The following SLCO1B1 variants were observed in gnomAD, a reference collection of about 807,000 sequenced individuals.
SLCO1B1 encodes solute carrier organic anion transporter family member 1B1.
Under a neutral mutation model 70.1 loss-of-function variants are expected in SLCO1B1, and 81 were observed. That is an observed-to-expected ratio of 1.16 (90% confidence interval 0.97 to 1.39). The LOEUF (loss-of-function observed/expected upper bound fraction) is 1.39. Among genes scored for constraint, SLCO1B1 ranks in the 40% most tolerant of loss-of-function variants. SLCO1B1 has a pLI of 0.00. For synonymous variants in SLCO1B1, 283 were observed against 271.5 expected (o/e 1.04, Z -0.42); for missense variants, 895 against 799.6 (o/e 1.12, Z -1.44).
At chr12:21,163,114 A>G (rs942780127) in intron 2 of SLCO1B1, among the ~76,000 whole-genome samples, 1 of 152,200 alleles carries the variant, frequency 6.6e-6, no homozygotes, top group Admixed American at 6.5e-5. Context: ...GTATATACAC[A>G]ATACCTGTCC....
Position 21,200,659 on chromosome 12 carries a change from T to C in SLCO1B1, c.1122T>C (p.Ala374=). The C allele has an allele frequency of 1.2e-6, 2 of 1,612,058 alleles. No individual in the cohort carries two copies. Among genetic ancestry groups the C allele is most frequent in the Non-Finnish European group, 1.7e-6 (2 of 1,178,854 alleles). Residue 374 remains alanine (A), a synonymous_variant, in exon 9 of 15, where the codon GCT becomes GCC. Coordinates refer to ENST00000256958, the MANE Select transcript of SLCO1B1 (RefSeq NM_006446.5). ...EQQYGQPSSK[A]NILLGVITIP... The stretch of plus-strand genomic sequence containing the variant: ...AGTATGGTCAGCCTTCATCTAAGGC[T>C]AACATCTTATTGGGTAAGACATATT...
At chr12:21,148,708 T>C (rs1254385393) in intron 2 of SLCO1B1, among the ~76,000 whole-genome samples, 2 of 150,958 alleles carry the variant, frequency 1.3e-5, no homozygotes, top group East Asian at 3.9e-4. Context: ...TTTTTTTTTT[T>C]TTTTTTTGGT....
chr12:21,137,516 CA>C (rs1293449379), intron 1 of SLCO1B1, among the ~76,000 whole-genome samples: 1 of 152,200 alleles, frequency 6.6e-6, no homozygotes, highest in African/African-American at 2.4e-5. Context: ...TTTACCTAAT[CA>C]AACAACTAAC....
chr12:21,136,674 A>C (rs1432143091), intron 1 of SLCO1B1, among the ~76,000 whole-genome samples: 1 of 152,068 alleles, frequency 6.6e-6, no homozygotes, highest in Non-Finnish European at 1.5e-5. Context: ...CTTGGTTTTC[A>C]GCTCCATCAA....
At chr12:21,172,527 G>A (rs113324831) in intron 2 of SLCO1B1, 123 bp from the exon 3 acceptor site, 10 of 1,117,336 alleles carry the variant, frequency 8.9e-6, no homozygotes, top group Middle Eastern at 5.7e-4. Flanking sequence ...AACTAAGTAT[G>A]GTTTTTAAGA....
intron 11 of SLCO1B1, among the ~76,000 whole-genome samples, chr12:21,210,272 A>G (rs1941266233): frequency 2.3e-5 from 3 of 128,586 alleles, no homozygotes; most frequent in African/African-American, 9.0e-5. Context: ...TCAGCTTTCT[A>G]CATATGGCTA....
chr12:21,197,471 T>C (rs890657004), intron 8 of SLCO1B1, among the ~76,000 whole-genome samples: 7 of 152,116 alleles, frequency 4.6e-5, no homozygotes, highest in Admixed American at 3.3e-4. Context: ...ATATTAATTT[T>C]AGTATTATAT....
intron 2 of SLCO1B1, among the ~76,000 whole-genome samples, chr12:21,158,164 TCC>T (rs1940566221): frequency 6.6e-6 from 1 of 152,160 alleles, no homozygotes; most frequent in Admixed American, 6.5e-5. Flanking sequence ...TGTATACCCA[TCC>T]TATGTTCGTT....
chr12:21,140,400 G>T lies in SLCO1B1; in HGVS notation c.-61-1114G>T, dbSNP rs4149019. ...AGAACACATTATATTCTATATAAAA[G>T]AGTCAGTTGAAGTAAAAAGTTAACT... On this transcript the variant is annotated intron_variant, in intron 1 of 14. Coordinates refer to ENST00000256958, the MANE Select transcript of SLCO1B1 (RefSeq NM_006446.5). Among the ~76,000 whole-genome samples, 310 of 152,044 alleles carry T rather than the reference G, an allele frequency of 2.0e-3. 9 individuals are homozygous for T. In the East Asian group the frequency reaches 0.05, roughly 25 times the overall value.
At chr12:21,135,249 T>C (rs1462763657) in intron 1 of SLCO1B1, among the ~76,000 whole-genome samples, 1 of 152,212 alleles carries the variant, frequency 6.6e-6, no homozygotes, top group Non-Finnish European at 1.5e-5. Flanking sequence ...GAGCTTTACT[T>C]CCAACTATGT....
Position 21,229,382 on chromosome 12 carries a change from C to T in SLCO1B1, c.1865+4543C>T, listed in dbSNP as rs961543997. ...GTTTCTCTACCCTAAAAATCCTCTG[C>T]TCTGCCTATTCATTCCTTCCTCCTC... On this transcript the variant is annotated intron_variant, in intron 14 of 14. Coordinates refer to ENST00000256958, the MANE Select transcript of SLCO1B1 (RefSeq NM_006446.5). Among the ~76,000 whole-genome samples the T allele has an allele frequency of 7.9e-5, 12 of 152,318 alleles. No homozygotes were observed. The East Asian group carries it at 2.3e-3, about 29-fold the overall frequency.
At chr12:21,165,808 C>T (rs934005965) in intron 2 of SLCO1B1, among the ~76,000 whole-genome samples, 1 of 152,088 alleles carries the variant, frequency 6.6e-6, no homozygotes, top group Non-Finnish European at 1.5e-5. Flanking sequence ...ACCATGCTGG[C>T]ACCCTTATCT....
At chr12:21,142,344 AG>A (rs1197072900) in intron 2 of SLCO1B1, among the ~76,000 whole-genome samples, 1 of 152,002 alleles carries the variant, frequency 6.6e-6, no homozygotes, top group Non-Finnish European at 1.5e-5. Flanking sequence ...CTAAATGAGA[AG>A]CCAAGACTCA....
At chr12:21,216,413 G>C (rs553134475) in intron 11 of SLCO1B1, among the ~76,000 whole-genome samples, 2 of 152,210 alleles carry the variant, frequency 1.3e-5, no homozygotes, top group East Asian at 3.9e-4. Flanking sequence ...CTTTAGCCTA[G>C]ATTTAGAACA....
rs754715465 is a variant in SLCO1B1, at chr12:21,202,701, C to G, written c.1331+15C>G. The G allele has an allele frequency of 6.3e-7, 1 of 1,577,276 alleles. No homozygotes were observed. Among genetic ancestry groups the G allele is most frequent in the South Asian group, 1.1e-5 (1 of 90,340 alleles). On this transcript the variant is annotated intron_variant, in intron 10 of 14. Transcript: ENST00000256958. ...ACCTATGATGGGTTTGTATATATCA[C>G]TATATCAATTGCATAATATGTTAAC... is the stretch of plus-strand genomic sequence containing the variant.
At chr12:21,143,880 A>G (rs1940347036) in intron 2 of SLCO1B1, among the ~76,000 whole-genome samples, 1 of 152,134 alleles carries the variant, frequency 6.6e-6, no homozygotes, top group Non-Finnish European at 1.5e-5. Flanking sequence ...AACACTTGCT[A>G]ACATGCATGC....
chr12:21,189,156 A>G (rs1940997467), intron 7 of SLCO1B1, among the ~76,000 whole-genome samples: 1 of 152,104 alleles, frequency 6.6e-6, no homozygotes, highest in African/African-American at 2.4e-5. Context: ...GTCATATGAG[A>G]GTTCTGTATT....
rs113965116 is a variant in SLCO1B1 at position 21,137,820 on chromosome 12, C to T, written c.-61-3694C>T. 5.2e-4 allele frequency among the ~76,000 whole-genome samples: 79 copies of T among 152,234 alleles called. 1 individual carries two copies. Among genetic ancestry groups the T allele is most frequent in the African/African-American group, 1.4e-3 (59 of 41,550 alleles). ...CAATGCCTCGCCCTGCTTTGGCTTGCGCACGGTGCGCTTCACCCACTGTCC... is the reference window on the plus strand; with the variant it reads ...CAATGCCTCGCCCTGCTTTGGCTTGTGCACGGTGCGCTTCACCCACTGTCC... On this transcript the variant is annotated intron_variant, in intron 1 of 14. Coordinates refer to ENST00000256958, the MANE Select transcript of SLCO1B1 (RefSeq NM_006446.5).
chr12:21,159,696 A>G (rs1940588773), intron 2 of SLCO1B1, among the ~76,000 whole-genome samples: 1 of 152,134 alleles, frequency 6.6e-6, no homozygotes, highest in East Asian at 1.9e-4. Context: ...AAGTCAAACT[A>G]TCCCTGTTTG....
Sources: allele counts gnomAD v4.1 joint callset (sites outside exome capture counted in the v4.1 genomes callset), GRCh38; gene constraint gnomAD v4.1.1; transcripts MANE v1.5; gene names NCBI Gene and HGNC (gene_info 2026-07-23, HGNC 2026-07-21).